DYM: variants seen among roughly 807,000 people sequenced by gnomAD.
The protein encoded by DYM is dymeclin, also known as dyggve-Melchior-Clausen syndrome protein.
Under a neutral mutation model 93.1 loss-of-function variants are expected in DYM, and 78 were observed. The observed-to-expected ratio is 0.84, with a 90% confidence interval of 0.70 to 1.01. The LOEUF (loss-of-function observed/expected upper bound fraction) is 1.01, where lower values mean the gene tolerates loss of function less well. Ranked by LOEUF, DYM falls within the 50% of genes least tolerant of loss-of-function variation. The probability of loss-of-function intolerance (pLI) is 0.00; values close to 1 mark genes in which losing one functional copy is unlikely to be tolerated. For synonymous variants in DYM, 321 were observed against 319.7 expected (o/e 1.00, Z -0.04); for missense variants, 789 against 845.0 (o/e 0.93, Z 0.82).
chr18:49,292,377 C>CACACAT (rs1555679745), intron 8 of DYM, among the ~76,000 whole-genome samples: 6 of 150,562 alleles, frequency 4.0e-5, no homozygotes, highest in African/African-American at 1.5e-4. Flanking sequence ...CACACACACA[C>CACACAT]ACACACACAC....
intron 16 of DYM, among the ~76,000 whole-genome samples, chr18:49,099,562 C>T (rs1001744156): frequency 6.6e-6 from 1 of 151,796 alleles, no homozygotes; most frequent in Non-Finnish European, 1.5e-5. Context: ...ATAAAATGTT[C>T]ATAAAATAAA....
chr18:49,271,469 G>C (rs2145513157), intron 11 of DYM, among the ~76,000 whole-genome samples: 1 of 152,200 alleles, frequency 6.6e-6, no homozygotes, highest in East Asian at 1.9e-4. Context: ...TTCCATCTTA[G>C]GGCGATAATA....
Position 49,373,244 on chromosome 18 carries a change from G to A in DYM, c.421+5323C>T, listed in dbSNP as rs541728447. Among the ~76,000 whole-genome samples, 60 of 152,214 alleles carry A rather than the reference G, an allele frequency of 3.9e-4. 1 individual carries two copies. The South Asian group carries it at 0.011, about 28-fold the overall frequency. ...GCAAGAAAGAATTCAGGACTAGTCC[G>A]CAATGCAAAGTGAAAGCAAGTTTAT... is the stretch of plus-strand genomic sequence containing the variant. On this transcript the variant is annotated intron_variant, in intron 5 of 17. Coordinates refer to ENST00000675505, the MANE Select transcript of DYM (RefSeq NM_001353214.3).
intron 1 of DYM, chr18:49,447,294 C>T (rs1380483838): frequency 6.6e-6 from 1 of 152,170 alleles, no homozygotes; most frequent in South Asian, 2.1e-4. Flanking sequence ...ACGTCTCTTT[C>T]TCAAGGAGCT....
intron 8 of DYM, among the ~76,000 whole-genome samples, chr18:49,290,377 A>AC (rs953056858): frequency 3.7e-4 from 56 of 152,180 alleles, no homozygotes; most frequent in African/African-American, 1.2e-3. Context: ...TAAAAAAAAA[A>AC]CAAGAAGGAC....
intron 5 of DYM, among the ~76,000 whole-genome samples, chr18:49,376,788 G>C (rs1012128984): frequency 2.6e-5 from 4 of 152,182 alleles, no homozygotes; most frequent in Admixed American, 6.5e-5. Flanking sequence ...TGGTAAAATC[G>C]TATTTTCAAA....
At chr18:49,172,354 A>C (rs1600330061) in intron 14 of DYM, among the ~76,000 whole-genome samples, 1 of 152,268 alleles carries the variant, frequency 6.6e-6, no homozygotes, top group Non-Finnish European at 1.5e-5. Context: ...TCTTGAATAC[A>C]TACCTATGAG....
chr18:49,123,207 C>T (rs749755459), intron 15 of DYM, among the ~76,000 whole-genome samples: 4 of 151,734 alleles, frequency 2.6e-5, no homozygotes, highest in Non-Finnish European at 4.4e-5. Context: ...TGTTAATTTC[C>T]GCATGTATTT....
intron 9 of DYM, 72 bp from the exon 10 acceptor site, chr18:49,282,247 A>T: frequency 7.6e-7 from 1 of 1,317,226 alleles, no homozygotes. Flanking sequence ...TGTTAAAGTA[A>T]TGTGTACAAC....
chr18:49,210,407 G>T (rs1035723182), intron 13 of DYM, among the ~76,000 whole-genome samples: 1 of 152,192 alleles, frequency 6.6e-6, no homozygotes, highest in Non-Finnish European at 1.5e-5. Context: ...GTCATGAAAA[G>T]ACATGGAGGA....
At chr18:49,298,789 G>C (rs2060719633) in intron 8 of DYM, among the ~76,000 whole-genome samples, 1 of 152,046 alleles carries the variant, frequency 6.6e-6, no homozygotes, top group African/African-American at 2.4e-5. Flanking sequence ...AACCATGAAA[G>C]GTACTAGAAT....
chr18:49,236,466 C>CTTTT (rs1568075080), intron 13 of DYM, among the ~76,000 whole-genome samples: 9 of 141,682 alleles, frequency 6.4e-5, no homozygotes. Context: ...GGCGACAGAG[C>CTTTT]GAGACTCTGT....
At chr18:49,061,084 A>G (rs2075955348) in intron 17 of DYM, among the ~76,000 whole-genome samples, 1 of 152,230 alleles carries the variant, frequency 6.6e-6, no homozygotes, top group African/African-American at 2.4e-5. Context: ...ACCAAAAAGT[A>G]GAGGCAGCGC....
intron 1 of DYM, among the ~76,000 whole-genome samples, chr18:49,455,381 T>C (rs1221491040): frequency 6.6e-6 from 1 of 152,242 alleles, no homozygotes; most frequent in Non-Finnish European, 1.5e-5. Context: ...CTCATCTTTT[T>C]ACACCACTCA....
chr18:49,168,216 C>T (rs935688301), intron 14 of DYM, among the ~76,000 whole-genome samples: 1 of 150,358 alleles, frequency 6.7e-6, no homozygotes, highest in Non-Finnish European at 1.5e-5. Flanking sequence ...ATGAGTACTC[C>T]CTCTCTCTCT....
chr18:49,205,992 G>GCTTTTTTTTTGTTTT, intron 14 of DYM: 1 of 55,884 alleles, frequency 1.8e-5, no homozygotes, highest in South Asian at 6.9e-4. Flanking sequence ...CTAAGGTAGA[G>GCTTTTTTTTTGTTTT]TTTTTTTTTT....
intron 15 of DYM, among the ~76,000 whole-genome samples, chr18:49,151,162 A>C (rs1416623424): frequency 1.3e-5 from 2 of 152,224 alleles, no homozygotes; most frequent in East Asian, 1.9e-4. Flanking sequence ...TTTAGGACTT[A>C]ACTTTATCTA....
At chr18:49,305,411 T>C (rs1486595336) in intron 8 of DYM, among the ~76,000 whole-genome samples, 3 of 152,192 alleles carry the variant, frequency 2.0e-5, no homozygotes, top group Non-Finnish European at 4.4e-5. Context: ...GGGAAACCTA[T>C]TGTTCTCTTT....
chr18:49,198,863 C>T (rs1353639973), intron 14 of DYM, among the ~76,000 whole-genome samples: 8 of 151,694 alleles, frequency 5.3e-5, no homozygotes, highest in South Asian at 2.1e-4. Flanking sequence ...TTTGACCCAG[C>T]CATCCCATTA....
Sources: gnomAD v4.1 joint callset for allele counts (sites outside exome capture counted in the v4.1 genomes callset) on GRCh38, gnomAD v4.1.1 for gene constraint, MANE v1.5 for transcripts, NCBI Gene and HGNC (gene_info 2026-07-23, HGNC 2026-07-21) for gene names.